Variants in FUT8 observed in about 807,000 individuals in gnomAD.
The protein encoded by FUT8 is fucosyltransferase 8.
Under a neutral mutation model 71.3 loss-of-function variants are expected in FUT8, and 29 were observed. The observed-to-expected ratio is 0.41, with a 90% CI of 0.30 to 0.55. The LOEUF is 0.55. Among genes scored for constraint, FUT8 ranks in the 20% least tolerant of loss-of-function variants. FUT8 has a pLI of 0.34. For missense variants in FUT8, 544 were observed against 702.1 expected, an observed-to-expected ratio of 0.77 and a Z score of 2.55; for synonymous variants, 254 against 239.3, an observed-to-expected ratio of 1.06 and a Z score of -0.57.
In FUT8 at chr14:65,436,859, T is replaced by C. The variant is rs372079141; in HGVS notation, c.-325-18762T>C. Among the ~76,000 whole-genome samples the C allele has an allele frequency of 2.0e-5, 3 of 152,276 alleles. No homozygotes were observed. In the East Asian group the frequency reaches 5.8e-4, roughly 29 times the overall value. On this transcript the variant is annotated intron_variant, in intron 1 of 10. Coordinates refer to ENST00000673929, the MANE Select transcript of FUT8 (RefSeq NM_001371533.1). ...ATCAGTGATTAGGTTCCATGGAAAATTTGAGTACTACCAAATGATGCATTT... is the reference window on the plus strand; with the variant it reads ...ATCAGTGATTAGGTTCCATGGAAAACTTGAGTACTACCAAATGATGCATTT...
At chr14:65,655,451 G>C (rs888390665) in intron 6 of FUT8, among the ~76,000 whole-genome samples, 5 of 149,740 alleles carry the variant, frequency 3.3e-5, no homozygotes, top group African/African-American at 1.2e-4. Context: ...ACTTTAGCCT[G>C]GGCGACAGAG....
At chr14:65,710,823 C>G (rs574195737) in intron 7 of FUT8, among the ~76,000 whole-genome samples, 1 of 152,188 alleles carries the variant, frequency 6.6e-6, no homozygotes, top group South Asian at 2.1e-4. Context: ...CATGGCTCTG[C>G]GGGCTGTGTA....
At chr14:65,701,463 G>A (rs567129693) in intron 7 of FUT8, among the ~76,000 whole-genome samples, 180 of 152,190 alleles carry the variant, frequency 1.2e-3, no homozygotes, top group African/African-American at 3.9e-3. Context: ...AGCTTATTAC[G>A]TAATTTTACA....
chr14:65,514,851 C>G (rs918480041), intron 2 of FUT8, among the ~76,000 whole-genome samples: 1 of 152,180 alleles, frequency 6.6e-6, no homozygotes, highest in African/African-American at 2.4e-5. Flanking sequence ...TTCTCCTCTT[C>G]AAAATGGAGA....
rs182931485 is a variant in FUT8 at position 65,553,710 on chromosome 14, C to T, written c.-227-7627C>T. 7.3e-5 allele frequency among the ~76,000 whole-genome samples: 11 copies of T among 151,106 alleles called. No homozygotes were observed. In the East Asian group the frequency reaches 1.4e-3, roughly 19 times the overall value. On this transcript the variant is annotated intron_variant, in intron 2 of 10. Transcript: ENST00000673929. Reference sequence around the variant, plus strand: ...GGTATTATCTAGAATGCTCAGTTGCCGTTTTTCCCCCCTTGGTATTTTAAA... The same window carrying T: ...GGTATTATCTAGAATGCTCAGTTGCTGTTTTTCCCCCCTTGGTATTTTAAA...
intron 7 of FUT8, among the ~76,000 whole-genome samples, chr14:65,685,966 A>G (rs548702460): frequency 6.6e-5 from 10 of 152,292 alleles, no homozygotes; most frequent in Admixed American, 2.6e-4. Flanking sequence ...CTTCTGTCTT[A>G]TACTGTGATT....
chr14:65,500,578 A>G (rs2066630722), intron 2 of FUT8, among the ~76,000 whole-genome samples: 1 of 152,202 alleles, frequency 6.6e-6, no homozygotes. Flanking sequence ...AAGGCAGTTA[A>G]TATGTTGGCC....
the FUT8 span, among the ~76,000 whole-genome samples, chr14:65,365,149 A>G: frequency 9.9e-5 from 15 of 152,180 alleles, no homozygotes; most frequent in Non-Finnish European, 2.2e-4. Flanking sequence ...CTTCCAGTTA[A>G]AGCACAATGC....
intron 3 of FUT8, among the ~76,000 whole-genome samples, chr14:65,578,294 ATTGAT>A (rs1352443304): frequency 6.6e-6 from 1 of 152,182 alleles, no homozygotes; most frequent in Non-Finnish European, 1.5e-5. Context: ...ATTGTGGCAT[ATTGAT>A]TTCAGTATCA....
chr14:65,417,369 T>C (rs1224937786), intron 1 of FUT8, among the ~76,000 whole-genome samples: 7 of 152,186 alleles, frequency 4.6e-5, no homozygotes, highest in Admixed American at 4.6e-4. Context: ...TTTGGAATAA[T>C]GGGAAATCAA....
At chr14:65,396,288 C>A in the FUT8 span, among the ~76,000 whole-genome samples, 2 of 152,164 alleles carry the variant, frequency 1.3e-5, no homozygotes, top group South Asian at 4.1e-4. This position sits in a 1 kb window ranked among gnomAD's most constrained non-coding sequence, Gnocchi z 5.5. Flanking sequence ...CTCTTGGTAC[C>A]AACTTACTGT....
In FUT8 at chr14:65,719,126, C is replaced by T. The variant is rs187304468; in HGVS notation, c.836-2649C>T. Reference sequence around the variant, plus strand: ...GCCCTTTTGAAACTATTATTTAGATCTTATAGGCATGCTTCATTGTTTTTC... The same window carrying T: ...GCCCTTTTGAAACTATTATTTAGATTTTATAGGCATGCTTCATTGTTTTTC... On this transcript the variant is annotated intron_variant, in intron 7 of 10. Transcript: ENST00000673929. Among the ~76,000 whole-genome samples, 287 of 152,208 alleles carry T rather than the reference C, an allele frequency of 1.9e-3. 1 individual carries two copies. Among genetic ancestry groups the T allele is most frequent in the African/African-American group, 6.6e-3 (275 of 41,540 alleles).
At chr14:65,442,102 G>A (rs1316802679) in intron 1 of FUT8, among the ~76,000 whole-genome samples, 2 of 151,760 alleles carry the variant, frequency 1.3e-5, no homozygotes, top group African/African-American at 2.4e-5. Flanking sequence ...TTTTCAGAGG[G>A]CTCCCTAGAT....
chr14:65,644,619 C>T (rs963541170), intron 6 of FUT8, among the ~76,000 whole-genome samples: 3 of 152,090 alleles, frequency 2.0e-5, no homozygotes, highest in Non-Finnish European at 2.9e-5. Context: ...CCTCGGCCTC[C>T]CAAAGTGCTG....
At chr14:65,364,706 T>C in the FUT8 span, among the ~76,000 whole-genome samples, 12 of 151,854 alleles carry the variant, frequency 7.9e-5, no homozygotes, top group East Asian at 2.1e-3. Flanking sequence ...CATAAGCTTA[T>C]TCCCTTCCAA....
chr14:65,567,745 A>G (rs1886270827), intron 3 of FUT8, among the ~76,000 whole-genome samples: 1 of 151,938 alleles, frequency 6.6e-6, no homozygotes, highest in Non-Finnish European at 1.5e-5. Flanking sequence ...TGGGAACAAC[A>G]TTCCTATCCT....
chr14:65,620,335 A>T (rs1002169744), intron 5 of FUT8, among the ~76,000 whole-genome samples: 4 of 152,158 alleles, frequency 2.6e-5, no homozygotes, highest in African/African-American at 9.7e-5. Flanking sequence ...ATTTCTCATT[A>T]TCAGTAATAT....
chr14:65,522,722 C>T (rs2139867740), intron 2 of FUT8, among the ~76,000 whole-genome samples: 1 of 132,842 alleles, frequency 7.5e-6, no homozygotes, highest in South Asian at 3.1e-4. Flanking sequence ...TCCCTCCCCC[C>T]TCCCCCCACC....
In FUT8 at chr14:65,568,150, C is replaced by T. The variant is rs552854354; in HGVS notation, c.203+6384C>T. Among the ~76,000 whole-genome samples the T allele has an allele frequency of 7.3e-4, 110 of 151,448 alleles. 1 individual carries two copies. In the South Asian group the frequency reaches 0.02, roughly 27 times the overall value. ...TTTTCTCATGTCAATTTTGGTGAGACGTGTTTTTCAAAGCATGTGTTCATT... is the reference window on the plus strand; with the variant it reads ...TTTTCTCATGTCAATTTTGGTGAGATGTGTTTTTCAAAGCATGTGTTCATT... On this transcript the variant is annotated intron_variant, in intron 3 of 10. Transcript: ENST00000673929.
Sources: allele counts gnomAD v4.1 joint callset (sites outside exome capture counted in the v4.1 genomes callset), GRCh38; gene constraint gnomAD v4.1.1; non-coding constraint Gnocchi (gnomAD v3.1); transcripts MANE v1.5; gene names NCBI Gene and HGNC (gene_info 2026-07-23, HGNC 2026-07-21).